Variants in SNED1 observed in about 807,000 individuals in gnomAD.
SNED1 encodes sushi, nidogen and EGF like domains 1, also known as sushi, nidogen and EGF-like domain-containing protein 1.
Under a neutral mutation model 166.7 loss-of-function variants are expected in SNED1, and 81 were observed. That is an observed-to-expected ratio of 0.49 (90% CI 0.41 to 0.58). The LOEUF is 0.58. Ranked by LOEUF, SNED1 falls within the 20% of genes least tolerant of loss-of-function variation. The probability of loss-of-function intolerance (pLI) is 0.00; values close to 1 mark genes in which losing one functional copy is unlikely to be tolerated. For synonymous variants in SNED1, 762 were observed against 822.0 expected, an observed-to-expected ratio of 0.93 and a Z score of 1.25; for missense variants, 1,604 against 2,000.2, an observed-to-expected ratio of 0.80 and a Z score of 3.78.
chr2:241,086,218 C>T (rs2125325779), intron 29 of SNED1, among the ~76,000 whole-genome samples: 1 of 152,316 alleles, frequency 6.6e-6, no homozygotes, highest in Non-Finnish European at 1.5e-5. Flanking sequence ...TCTACTCTGG[C>T]TCTGGAAATC....
At chr2:241,087,208 CA>C (rs2063628401) in intron 29 of SNED1, 183 bp from the exon 30 acceptor site, 4 of 582,364 alleles carry the variant, frequency 6.9e-6, no homozygotes, top group Non-Finnish European at 1.2e-5. Context: ...AAATTTATTA[CA>C]AATCACATGA....
intron 26 of SNED1, chr2:241,072,998 T>G: frequency 4.1e-6 from 2 of 488,072 alleles, no homozygotes; most frequent in Non-Finnish European, 7.3e-6. Context: ...CCTCTCAGCA[T>G]GATCAGTGGT....
chr2:241,063,712 C>G lies in SNED1; in HGVS notation c.2485+12C>G, dbSNP rs74000340. The G allele has an allele frequency of 6.5e-7, 1 of 1,531,230 alleles. No homozygotes were observed. Among genetic ancestry groups the G allele is most frequent in the Non-Finnish European group, 9.0e-7 (1 of 1,112,308 alleles). 94.9% of individuals were successfully genotyped at this position (1,531,230 alleles called of 1,614,324 possible). A position where few individuals can be genotyped will look rare whatever the true frequency, so the allele number is the denominator to read the frequency against. On this transcript the variant is annotated intron_variant, in intron 18 of 31. Coordinates refer to ENST00000310397, the MANE Select transcript of SNED1 (RefSeq NM_001080437.3). ...CCACTGTGAGACAGGTAGGGGCTCC[C>G]TCCAGTGGGCCCCACATGCAGAGCC... is the stretch of plus-strand genomic sequence containing the variant.
rs752188642 is a variant in SNED1 at position 241,075,914 on chromosome 2, A to AT, written c.3916+2555dup. 3.9e-5 allele frequency among the ~76,000 whole-genome samples: 6 copies of AT among 152,002 alleles called. No individual in the cohort carries two copies. Among genetic ancestry groups the AT allele is most frequent in the Non-Finnish European group, 7.4e-5 (5 of 67,978 alleles). On this transcript the variant is annotated intron_variant, in intron 27 of 31. Transcript: ENST00000310397. The surrounding 1 kb of genome is among the most constrained non-coding windows in gnomAD (Gnocchi z 4.8). ...TTTTTTATGCATATGGGTAAACTGG[A>AT]TTTTTCATCTCTTCATGCTAAAAAG...
intron 24 of SNED1, 123 bp downstream of exon 24, chr2:241,070,324 T>C: frequency 9.6e-7 from 1 of 1,041,732 alleles, no homozygotes; most frequent in Non-Finnish European, 1.4e-6. Flanking sequence ...AACAGGACCG[T>C]GTTAGCAGGG....
intron 24 of SNED1, among the ~76,000 whole-genome samples, chr2:241,070,927 A>G (rs897563623): frequency 1.3e-5 from 2 of 152,184 alleles, no homozygotes; most frequent in African/African-American, 2.4e-5. Context: ...CTCCTCCCCA[A>G]CCCGTGAGGC....
intron 16 of SNED1, among the ~76,000 whole-genome samples, chr2:241,054,427 G>A (rs574342645): frequency 5.1e-4 from 78 of 152,266 alleles, no homozygotes; most frequent in African/African-American, 1.6e-3. Flanking sequence ...AAACTAGCCC[G>A]GCGTGGTGGC....
chr2:241,028,076 G>A (rs1474621400), intron 1 of SNED1, among the ~76,000 whole-genome samples: 3 of 152,114 alleles, frequency 2.0e-5, no homozygotes, highest in African/African-American at 7.2e-5. Flanking sequence ...ATGTTTCCAG[G>A]TGCTCATTGG....
At chr2:241,083,935 T>A (rs1255936484) in intron 29 of SNED1, among the ~76,000 whole-genome samples, 1 of 152,160 alleles carries the variant, frequency 6.6e-6, no homozygotes, top group African/African-American at 2.4e-5. Context: ...ACCTGCTTTT[T>A]GTTCCTTTTT....
At chr2:241,030,595 G>C (rs1348498541) in intron 2 of SNED1, 24 bp downstream of exon 2, 1 of 1,609,054 alleles carries the variant, frequency 6.2e-7, no homozygotes, top group Non-Finnish European at 8.5e-7. Context: ...CTTGTCCTGG[G>C]GAGGGTGGGT....
At chr2:241,001,588 A>T (rs2060079508) in intron 1 of SNED1, among the ~76,000 whole-genome samples, 1 of 152,234 alleles carries the variant, frequency 6.6e-6, no homozygotes, top group South Asian at 2.1e-4. Context: ...GGAGTGTGGC[A>T]TGCTGCCGCT....
At chr2:241,055,967 AGAATACAGTATGTTCATCCTAGTGT>A (rs2062028747) in intron 16 of SNED1, among the ~76,000 whole-genome samples, 1 of 152,244 alleles carries the variant, frequency 6.6e-6, no homozygotes, top group Non-Finnish European at 1.5e-5. Context: ...TACCTAGTAG[AGAATACAGTATGTTCATCCTAGTGT>A]GAAATTTTCT....
chr2:241,020,803 C>T lies in SNED1; in HGVS notation c.214-9481C>T, dbSNP rs571033699. On this transcript the variant is annotated intron_variant, in intron 1 of 31. Transcript: ENST00000310397. ...ATGGCCTCTCGACTCCAGCAGGCTT[C>T]CCTTCTCTTGGACTCCACACTGTTT... Among the ~76,000 whole-genome samples the T allele has an allele frequency of 2.6e-5, 4 of 152,212 alleles. No homozygotes were observed. The East Asian group carries it at 7.7e-4, about 29-fold the overall frequency.
chr2:241,029,052 G>A lies in SNED1; in HGVS notation c.214-1232G>A, dbSNP rs78667719. ...CCAGTCTGGGACCCCCTTAGTGCCC[G>A]TTCCAGGCTTCACCCAAAGGGGAAG... On this transcript the variant is annotated intron_variant, in intron 1 of 31. Coordinates refer to ENST00000310397, the MANE Select transcript of SNED1 (RefSeq NM_001080437.3). 7.9e-4 allele frequency among the ~76,000 whole-genome samples: 121 copies of A among 152,278 alleles called. 1 individual carries two copies. In the East Asian group the frequency reaches 0.014, roughly 18 times the overall value.
chr2:241,038,077 C>A (rs561075871), intron 6 of SNED1, among the ~76,000 whole-genome samples: 1 of 151,884 alleles, frequency 6.6e-6, no homozygotes, highest in Admixed American at 6.6e-5. Flanking sequence ...GGACCCCCCC[C>A]CAATTCCTGC....
intron 8 of SNED1, among the ~76,000 whole-genome samples, chr2:241,046,964 G>A (rs1010148351): frequency 6.6e-6 from 1 of 151,988 alleles, no homozygotes; most frequent in South Asian, 2.1e-4. Flanking sequence ...CCAACAGAGT[G>A]AAACCCCATC....
intron 16 of SNED1, among the ~76,000 whole-genome samples, chr2:241,060,393 G>A (rs1348761843): frequency 6.6e-6 from 1 of 152,104 alleles, no homozygotes. Flanking sequence ...ATGTTGGCCA[G>A]GCTGGTCTTG....
Position 241,081,767 on chromosome 2 carries a change from G to A in SNED1, c.4007G>A (p.Gly1336Glu). The change falls in exon 28 of 32, where the codon GGG becomes GAG. Residue 1336 changes from glycine to glutamate, a missense_variant. By Grantham distance (98) the Gly-to-Glu change is moderately conservative. Coordinates refer to ENST00000310397, the MANE Select transcript of SNED1 (RefSeq NM_001080437.3). ...ADAHSCDCGP[G>E]FKGRRCELAC... ...GCCCACAGCTGTGACTGCGGGCCAG[G>A]GTTCAAAGGCAGACGCTGCGAGCTC... is the stretch of plus-strand genomic sequence containing the variant. 1 of 1,600,046 alleles carries A rather than the reference G, an allele frequency of 6.2e-7. No individual in the cohort carries two copies. Among genetic ancestry groups the A allele is most frequent in the Non-Finnish European group, 8.5e-7 (1 of 1,173,362 alleles).
chr2:241,050,781 C>A (rs1182240086), intron 12 of SNED1, among the ~76,000 whole-genome samples: 1 of 152,178 alleles, frequency 6.6e-6, no homozygotes, highest in African/African-American at 2.4e-5. Flanking sequence ...TGACTCTGGC[C>A]CTACTCCAGC....
Sources: gnomAD v4.1 joint callset for allele counts (sites outside exome capture counted in the v4.1 genomes callset) on GRCh38, gnomAD v4.1.1 for gene constraint, Gnocchi (gnomAD v3.1) non-coding constraint, MANE v1.5 for transcripts, NCBI Gene and HGNC (gene_info 2026-07-23, HGNC 2026-07-21) for gene names.